The following PPM1H variants were observed in gnomAD, a reference collection of about 807,000 sequenced individuals.
The protein encoded by PPM1H is protein phosphatase 1H.
A neutral mutation model predicts 54.9 loss-of-function variants in PPM1H; 27 were observed. The observed-to-expected ratio is 0.49, with a 90% CI of 0.36 to 0.68. PPM1H has a LOEUF of 0.68. Ranked by LOEUF, PPM1H falls within the 30% of genes least tolerant of loss-of-function variation. The pLI, the probability that PPM1H is intolerant of heterozygous loss-of-function variation, is 0.00. For synonymous variants in PPM1H, 305 were observed against 270.8 expected, an observed-to-expected ratio of 1.13 and a Z score of -1.24; for missense variants, 596 against 667.8, an observed-to-expected ratio of 0.89 and a Z score of 1.19.
At chr12:62,893,930 C>T (rs1870890405) in intron 1 of PPM1H, among the ~76,000 whole-genome samples, 1 of 152,094 alleles carries the variant, frequency 6.6e-6, no homozygotes, top group Admixed American at 6.6e-5. Flanking sequence ...AAAATGTTCC[C>T]AATCTCTGGG....
chr12:62,860,283 A>G (rs1298544192), intron 1 of PPM1H, among the ~76,000 whole-genome samples: 2 of 152,188 alleles, frequency 1.3e-5, no homozygotes, highest in African/African-American at 4.8e-5. Context: ...CCACGATTCA[A>G]TTACCCTACC....
At chr12:62,741,152 G>T (rs1361250335) in intron 4 of PPM1H, among the ~76,000 whole-genome samples, 1 of 152,032 alleles carries the variant, frequency 6.6e-6, no homozygotes, top group East Asian at 1.9e-4. Context: ...CCACCTAGTT[G>T]CTCGTCCCAG....
chr12:62,755,974 G>A (rs542550166), intron 4 of PPM1H: 1 of 1,157,312 alleles, frequency 8.6e-7, no homozygotes, highest in Non-Finnish European at 1.3e-6. Flanking sequence ...ACTGCTGTCT[G>A]GAAAAACTGC....
At position 62,911,874 on chromosome 12, in the gene PPM1H, A is replaced by G. The variant is rs1050763079; in HGVS notation, c.245+22618T>C. 7.2e-5 allele frequency among the ~76,000 whole-genome samples: 11 copies of G among 152,122 alleles called. No homozygotes were observed. The East Asian group carries it at 2.1e-3, about 29-fold the overall frequency. On this transcript the variant is annotated intron_variant, in intron 1 of 9. Transcript: ENST00000228705. ...TTAGCCCTCTCATCCTGTCCCTCAC[A>G]CATGTGTACTCCAATGACACCCCTT...
intron 1 of PPM1H, among the ~76,000 whole-genome samples, chr12:62,884,647 G>T (rs781505522): frequency 1.3e-5 from 2 of 152,124 alleles, no homozygotes; most frequent in Non-Finnish European, 2.9e-5. Flanking sequence ...GGAAAAGCTG[G>T]TTCTGAACAA....
At chr12:62,815,416 T>C (rs1397961739) in intron 2 of PPM1H, among the ~76,000 whole-genome samples, 1 of 152,246 alleles carries the variant, frequency 6.6e-6, no homozygotes, top group Non-Finnish European at 1.5e-5. Context: ...TCTTAAAACA[T>C]TAATTTATAA....
rs569402335 is a variant in PPM1H at position 62,883,156 on chromosome 12, C to T, written c.246-50877G>A. The stretch of plus-strand genomic sequence containing the variant: ...GAAGAAAGGAGCTTCTCATACCACC[C>T]TCCTCCATCCTGCTCACTTCTGCCT... On this transcript the variant is annotated intron_variant, in intron 1 of 9. Coordinates refer to ENST00000228705, the MANE Select transcript of PPM1H (RefSeq NM_020700.2). 1.2e-4 allele frequency among the ~76,000 whole-genome samples: 19 copies of T among 152,334 alleles called. No individual in the cohort carries two copies. The South Asian group carries it at 3.9e-3, about 32-fold the overall frequency.
rs867897577 is a variant in PPM1H, at chr12:62,890,753, C to T, written c.245+43739G>A. On this transcript the variant is annotated intron_variant, in intron 1 of 9. Transcript: ENST00000228705. ...ACACACACACACACACACACACACA[C>T]ACATATATATATATGAATGAAACAG... 2.8e-3 allele frequency among the ~76,000 whole-genome samples: 387 copies of T among 137,602 alleles called. 4 individuals carry two copies. The highest frequency in any genetic ancestry group is 0.011 in the African/African-American group (370 of 32,590). The allele number at this position is 137,602 out of a possible 152,430, so 90.3% of individuals were successfully genotyped here.
intron 1 of PPM1H, among the ~76,000 whole-genome samples, chr12:62,868,323 C>A (rs1297582712): frequency 6.6e-6 from 1 of 152,166 alleles, no homozygotes; most frequent in Non-Finnish European, 1.5e-5. Flanking sequence ...TGAGCCTGAA[C>A]AACGTGTAGG....
chr12:62,700,384 C>T (rs1302474010), intron 6 of PPM1H, among the ~76,000 whole-genome samples: 1 of 152,166 alleles, frequency 6.6e-6, no homozygotes, highest in Admixed American at 6.5e-5. Flanking sequence ...TCCTGCTATT[C>T]TTCCTACCTT....
At position 62,647,984 on chromosome 12, in the gene PPM1H, A is replaced by T. The variant is rs1592521968; in HGVS notation, c.*505T>A. On this transcript the variant is annotated 3_prime_UTR_variant, in exon 10 of 10. Coordinates refer to ENST00000228705, the MANE Select transcript of PPM1H (RefSeq NM_020700.2). ...TAGAAACAGAGAAGAAAAAAAGAGA[A>T]GGGGGGCGGGGGGCAGACGGCAATC... is the stretch of plus-strand genomic sequence containing the variant. The T allele has an allele frequency of 6.9e-6, 1 of 145,722 alleles. No homozygotes were observed. Among genetic ancestry groups the T allele is most frequent in the Non-Finnish European group, 1.5e-5 (1 of 66,398 alleles). The allele number at this position is 145,722 out of a possible 1,614,324, so 9.0% of individuals were successfully genotyped here. A position where few individuals can be genotyped will look rare whatever the true frequency, so the allele number is the denominator to read the frequency against.
At chr12:62,678,977 A>G (rs958303121) in intron 8 of PPM1H, among the ~76,000 whole-genome samples, 1 of 151,780 alleles carries the variant, frequency 6.6e-6, no homozygotes, top group African/African-American at 2.4e-5. Flanking sequence ...AGCAGCTACC[A>G]CACCCAGCCC....
At chr12:62,889,228 C>G (rs1449596469) in intron 1 of PPM1H, among the ~76,000 whole-genome samples, 1 of 152,136 alleles carries the variant, frequency 6.6e-6, no homozygotes, top group Non-Finnish European at 1.5e-5. Context: ...CAATTCCAAT[C>G]AAAATTTCAG....
rs2076099995 is a variant in PPM1H, at chr12:62,694,113, C to T, written c.1074-114G>A. 8.3e-6 allele frequency: 7 copies of T among 846,790 alleles called. No homozygotes were observed. The South Asian group carries it at 1.1e-4, about 14-fold the overall frequency. The allele number at this position is 846,790 out of a possible 1,614,324, so 52.5% of individuals were successfully genotyped here. On this transcript the variant is annotated intron_variant, in intron 6 of 9. Transcript: ENST00000228705. Reference sequence around the variant, plus strand: ...CCTGAGACCCCATCCACTCACCACACTGACTACCTCTTCCTTTATAGGGAG... The same window carrying T: ...CCTGAGACCCCATCCACTCACCACATTGACTACCTCTTCCTTTATAGGGAG...
chr12:62,817,821 T>C (rs2076879966), intron 2 of PPM1H, among the ~76,000 whole-genome samples: 1 of 152,144 alleles, frequency 6.6e-6, no homozygotes, highest in Non-Finnish European at 1.5e-5. Context: ...TTGATCCTAT[T>C]TGCCTGGAGT....
intron 2 of PPM1H, among the ~76,000 whole-genome samples, chr12:62,815,094 G>A (rs1200101564): frequency 6.6e-6 from 1 of 152,134 alleles, no homozygotes; most frequent in African/African-American, 2.4e-5. Flanking sequence ...AAACATTTGA[G>A]TGACTTCATG....
At chr12:62,773,497 T>C (rs1463127617) in intron 4 of PPM1H, among the ~76,000 whole-genome samples, 1 of 152,008 alleles carries the variant, frequency 6.6e-6, no homozygotes, top group Non-Finnish European at 1.5e-5. Context: ...TTAATAAAAA[T>C]TTTTTTGAAA....
intron 2 of PPM1H, among the ~76,000 whole-genome samples, chr12:62,805,339 A>C (rs2076800026): frequency 6.6e-6 from 1 of 152,222 alleles, no homozygotes. Context: ...CATCATATAA[A>C]GCAATTTTAC....
chr12:62,884,631 G>A (rs1870520940), intron 1 of PPM1H, among the ~76,000 whole-genome samples: 1 of 151,984 alleles, frequency 6.6e-6, no homozygotes, highest in African/African-American at 2.4e-5. Context: ...CAGAAGACAA[G>A]ACAGTGGAAA....
Sources: gnomAD v4.1 joint callset for allele counts (sites outside exome capture counted in the v4.1 genomes callset) on GRCh38, gnomAD v4.1.1 for gene constraint, MANE v1.5 for transcripts, NCBI Gene and HGNC (gene_info 2026-07-23, HGNC 2026-07-21) for gene names.